Variants in GDF1 observed in about 807,000 individuals in gnomAD.
The protein encoded by GDF1 is embryonic growth/differentiation factor 1.
In GDF1, 8 loss-of-function variants were observed where a neutral mutation model predicts 7.4. The observed-to-expected ratio is 1.09, with a 90% CI of 0.64 to 1.96. The LOEUF is 1.96. Among genes scored for constraint, GDF1 ranks in the 30% most tolerant of loss-of-function variants. The pLI, the probability that GDF1 is intolerant of heterozygous loss-of-function variation, is 0.00. For synonymous variants in GDF1, 311 were observed against 276.7 expected, an observed-to-expected ratio of 1.12 and a Z score of -1.23; for missense variants, 574 against 551.5, an observed-to-expected ratio of 1.04 and a Z score of -0.41.
intron 7 of GDF1, among the ~76,000 whole-genome samples, chr19:18,869,639 T>C (rs562330513): frequency 7.9e-6 from 1 of 127,224 alleles, no homozygotes; most frequent in East Asian, 2.4e-4. Flanking sequence ...GTGGCCGAAG[T>C]GGGAGACATG....
intron 2 of GDF1, among the ~76,000 whole-genome samples, chr19:18,886,058 C>T (rs1322669842): frequency 6.6e-6 from 1 of 152,186 alleles, no homozygotes; most frequent in Non-Finnish European, 1.5e-5. Context: ...CCACCACGTC[C>T]ACCTCCTCCT....
intron 6 of GDF1, among the ~76,000 whole-genome samples, chr19:18,871,214 C>A (rs1413914961): frequency 2.0e-5 from 3 of 146,354 alleles, no homozygotes; most frequent in Non-Finnish European, 3.0e-5. Context: ...CACGCCACCA[C>A]TCCCAGCAAT....
intron 2 of GDF1, among the ~76,000 whole-genome samples, chr19:18,889,775 C>A (rs1010015730): frequency 9.2e-5 from 14 of 152,076 alleles, no homozygotes; most frequent in Admixed American, 7.9e-4. Context: ...TTGGGACACT[C>A]AATGCCACCC....
chr19:18,878,797 T>G lies in GDF1; in HGVS notation c.-313+133A>C. The G allele has an allele frequency of 6.8e-7, 1 of 1,472,952 alleles. No homozygotes were observed. The highest frequency in any genetic ancestry group is 9.0e-7 in the Non-Finnish European group (1 of 1,111,880). 91.2% of individuals were successfully genotyped at this position (1,472,952 alleles called of 1,614,324 possible). A position where few individuals can be genotyped will look rare whatever the true frequency, so the allele number is the denominator to read the frequency against. On this transcript the variant is annotated intron_variant, in intron 6 of 7. Transcript: ENST00000247005. This position sits in a 1 kb window ranked among gnomAD's most constrained non-coding sequence, Gnocchi z 4.6. ...TCCACGCCTTTATTGCAGTCTCTGT[T>G]TTGGAGTAGGCTTGGGGGGCAGCAT... is the stretch of plus-strand genomic sequence containing the variant.
chr19:18,880,263 C>T lies in GDF1; in HGVS notation c.-571+11G>A. ...CACCTCCCTCCCTGCCCAGCACTCC[C>T]TACCACTCACCAGCTGAAGCCGAAG... On this transcript the variant is annotated intron_variant, in intron 4 of 7. Coordinates refer to ENST00000247005, the MANE Select transcript of GDF1 (RefSeq NM_001492.6). The T allele has an allele frequency of 6.5e-7, 1 of 1,545,784 alleles. No homozygotes were observed. The highest frequency in any genetic ancestry group is 8.7e-7 in the Non-Finnish European group (1 of 1,144,604).
At chr19:18,876,889 G>T (rs1285549293) in intron 6 of GDF1, among the ~76,000 whole-genome samples, 2 of 152,108 alleles carry the variant, frequency 1.3e-5, no homozygotes, top group African/African-American at 4.8e-5. Flanking sequence ...TCTTGGTGAA[G>T]GTCCCTTTCC....
intron 6 of GDF1, among the ~76,000 whole-genome samples, chr19:18,874,151 A>G (rs568621526): frequency 6.6e-6 from 1 of 152,262 alleles, no homozygotes; most frequent in Admixed American, 6.5e-5. Flanking sequence ...CAGCAGCTGG[A>G]CATCCTCACC....
At position 18,893,526 on chromosome 19, in the gene GDF1, G is replaced by A; in HGVS notation, c.-1024C>T. The A allele has an allele frequency of 6.2e-7, 1 of 1,610,954 alleles. No individual in the cohort carries two copies. The highest frequency in any genetic ancestry group is 8.5e-7 in the Non-Finnish European group (1 of 1,178,904). On this transcript the variant is annotated 5_prime_UTR_variant, in exon 2 of 8. Transcript: ENST00000247005. The stretch of plus-strand genomic sequence containing the variant: ...GAAGAGAAACTTCCAAGCGCTCTCG[G>A]GCATCTTGGCGGCATCTCTGGGCTG...
intron 3 of GDF1, among the ~76,000 whole-genome samples, chr19:18,881,066 C>T (rs2056193253): frequency 6.6e-6 from 1 of 152,130 alleles, no homozygotes; most frequent in South Asian, 2.1e-4. Context: ...CCGACTCTCA[C>T]AGGCCTGGGG....
intron 3 of GDF1, among the ~76,000 whole-genome samples, chr19:18,880,962 G>C (rs1459553427): frequency 6.6e-6 from 1 of 152,132 alleles, no homozygotes; most frequent in East Asian, 1.9e-4. Context: ...GCCTCCCAAA[G>C]TGCTGGGATT....
In GDF1 at chr19:18,895,712, T is replaced by G; in HGVS notation, c.-1074+112A>C. 1 of 512,228 alleles carries G rather than the reference T, an allele frequency of 2.0e-6. No homozygotes were observed. Among genetic ancestry groups the G allele is most frequent in the South Asian group, 6.0e-5 (1 of 16,756 alleles). The allele number at this position is 512,228 out of a possible 1,614,324, so 31.7% of individuals were successfully genotyped here. A position where few individuals can be genotyped will look rare whatever the true frequency, so the allele number is the denominator to read the frequency against. On this transcript the variant is annotated intron_variant, in intron 1 of 7. Transcript: ENST00000247005. The surrounding 1 kb of genome is among the most constrained non-coding windows in gnomAD (Gnocchi z 6.4). ...CCCCACCCACGTTCCGGCGACCCCT[T>G]CATCCGCAGCAGCCAGCGCTGGAAG...
At position 18,870,511 on chromosome 19, in the gene GDF1, A is replaced by G; in HGVS notation, c.-204T>C. ...AGTTGGAGGGGGTGGAGGGGCGGCC[A>G]AGGACGGGGAGCGTGGCCGGGGTAT... On this transcript the variant is annotated 5_prime_UTR_variant, in exon 7 of 8. Transcript: ENST00000247005. The surrounding 1 kb of genome is among the most constrained non-coding windows in gnomAD (Gnocchi z 5.1). 1 of 211,062 alleles carries G rather than the reference A, an allele frequency of 4.7e-6. No individual in the cohort carries two copies. The highest frequency in any genetic ancestry group is 7.9e-5 in the Admixed American group (1 of 12,702). The allele number at this position is 211,062 out of a possible 1,614,324, so 13.1% of individuals were successfully genotyped here. A position where few individuals can be genotyped will look rare whatever the true frequency, so the allele number is the denominator to read the frequency against.
intron 6 of GDF1, among the ~76,000 whole-genome samples, chr19:18,876,602 C>A (rs1046510213): frequency 2.7e-5 from 4 of 148,504 alleles, no homozygotes; most frequent in Admixed American, 6.7e-5. Context: ...CCAGGCTGGT[C>A]TTGAACACCT....
Position 18,869,352 on chromosome 19 carries a change from C to T in GDF1, c.364G>A (p.Gly122Arg), listed in dbSNP as rs754449715. ...ACGACTGTCCACTCAGGGCAATGCC[C>T]CGCGGCCGAGGCAGGCTCCGAGGCC... Reference protein sequence around the residue: ...TRASEPASAAGHCPEWTVVFD... With the variant: ...TRASEPASAARHCPEWTVVFD... Residue 122 changes from glycine to arginine, a missense_variant, in exon 8 of 8, where the codon GGG becomes AGG. Transcript: ENST00000247005. 1.3e-6 allele frequency: 2 copies of T among 1,532,318 alleles called. No homozygotes were observed. The highest frequency in any genetic ancestry group is 4.9e-5 in the East Asian group (2 of 40,440). 94.9% of individuals were successfully genotyped at this position (1,532,318 alleles called of 1,614,324 possible).
At position 18,895,814 on chromosome 19, in the gene GDF1, C is replaced by T; in HGVS notation, c.-1074+10G>A. The T allele has an allele frequency of 8.0e-7, 1 of 1,252,344 alleles. No individual in the cohort carries two copies. The highest frequency in any genetic ancestry group is 1.0e-6 in the Non-Finnish European group (1 of 993,382). 77.6% of individuals were successfully genotyped at this position (1,252,344 alleles called of 1,614,324 possible). On this transcript the variant is annotated intron_variant, in intron 1 of 7. Transcript: ENST00000247005. This position sits in a 1 kb window ranked among gnomAD's most constrained non-coding sequence, Gnocchi z 6.4. ...GGGGTCCCCTCGTCCCGGCCCCCGG[C>T]CACACTGACCCGAAAGAGGCGCGCA...
Position 18,870,021 on chromosome 19 carries a change from C to T in GDF1, c.287G>A (p.Gly96Glu). ...TLQPCHVEEL[G>E]VAGNIVRHIP... ...GTGGCGCACGATGTTTCCGGCGACC[C>T]CCAGCTCCTCCACGTGGCACGGTTG... Residue 96 changes from glycine (G) to glutamate (E), a missense_variant, in exon 7 of 8, where the codon GGG (glycine) becomes GAG (glutamate). Coordinates refer to ENST00000247005, the MANE Select transcript of GDF1 (RefSeq NM_001492.6). This position sits in a 1 kb window ranked among gnomAD's most constrained non-coding sequence, Gnocchi z 5.1. 6.3e-7 allele frequency: 1 copy of T among 1,596,726 alleles called. No homozygotes were observed. The highest frequency in any genetic ancestry group is 1.7e-5 in the Admixed American group (1 of 58,440).
chr19:18,890,797 A>AAG (rs2056471333), intron 2 of GDF1, among the ~76,000 whole-genome samples: 1 of 150,124 alleles, frequency 6.7e-6, no homozygotes, highest in Non-Finnish European at 1.5e-5. Context: ...AAAAAAAAAA[A>AAG]AAAAAAGCAG....
At chr19:18,889,596 ATTTT>A (rs1162205222) in intron 2 of GDF1, among the ~76,000 whole-genome samples, 1 of 151,914 alleles carries the variant, frequency 6.6e-6, no homozygotes, top group Non-Finnish European at 1.5e-5. Flanking sequence ...AGCTAATTTT[ATTTT>A]TTTATTTTTT....
At chr19:18,890,796 A>AAG (rs2146060989) in intron 2 of GDF1, among the ~76,000 whole-genome samples, 1 of 149,448 alleles carries the variant, frequency 6.7e-6, no homozygotes, top group East Asian at 2.0e-4. Context: ...AAAAAAAAAA[A>AAG]AAAAAAAGCA....
Sources: allele counts gnomAD v4.1 joint callset (sites outside exome capture counted in the v4.1 genomes callset), GRCh38; gene constraint gnomAD v4.1.1; non-coding constraint Gnocchi (gnomAD v3.1); transcripts MANE v1.5; gene names NCBI Gene and HGNC (gene_info 2026-07-23, HGNC 2026-07-21).